The following PNPLA2 variants were observed in gnomAD, a reference collection of about 807,000 sequenced individuals.
PNPLA2 encodes the protein patatin like domain 2, triacylglycerol lipase, also known as patatin-like phospholipase domain-containing protein 2.
In PNPLA2, 28 loss-of-function variants were observed where a neutral mutation model predicts 39.7. The ratio of observed to expected loss-of-function variants is 0.70; its 90% confidence interval spans 0.52 to 0.97. The LOEUF (loss-of-function observed/expected upper bound fraction) is 0.97. PNPLA2 is among the 50% of genes least tolerant of loss of function. The probability of loss-of-function intolerance (pLI) is 0.00; values close to 1 mark genes in which losing one functional copy is unlikely to be tolerated. For missense variants in PNPLA2, 768 were observed against 698.2 expected, an observed-to-expected ratio of 1.10 and a Z score of -1.13; for synonymous variants, 392 against 321.1, an observed-to-expected ratio of 1.22 and a Z score of -2.36.
intron 1 of PNPLA2, 40 bp from the exon 2 acceptor site, chr11:819,534 T>C (rs919038627): frequency 1.5e-5 from 19 of 1,284,964 alleles, no homozygotes; most frequent in Non-Finnish European, 1.9e-5. Flanking sequence ...CCGCCGTGAG[T>C]CCCACACTTA....
intron 5 of PNPLA2, 47 bp from the exon 6 acceptor site, chr11:823,480 C>T (rs995161916): frequency 7.1e-6 from 11 of 1,551,354 alleles, no homozygotes; most frequent in Non-Finnish European, 9.6e-6. Flanking sequence ...AGGGGCAGAA[C>T]GGGCATCCCT....
chr11:821,588 C>T (rs1165066061), intron 2 of PNPLA2, 40 bp from the exon 3 acceptor site: 1 of 1,458,942 alleles, frequency 6.9e-7, no homozygotes, highest in Admixed American at 1.7e-5. Flanking sequence ...TGTTGCTAAG[C>T]CCAGGAGCAT....
At position 824,662 on chromosome 11, in the gene PNPLA2, T is replaced by C; in HGVS notation, c.1315T>C (p.Cys439Arg). 6.3e-7 allele frequency: 1 copy of C among 1,596,744 alleles called. No homozygotes were observed. Among genetic ancestry groups the C allele is most frequent in the East Asian group, 2.2e-5 (1 of 44,562 alleles). The stretch of plus-strand genomic sequence containing the variant: ...GGACGCGCTGGCCAAGTGGGAGGAG[T>C]GCCAGCGCCAGCTGCTGCTCGGCCT... ...LGDALAKWEE[C>R]QRQLLLGLFC... Residue 439 changes from cysteine (C) to arginine (R), a missense_variant, in exon 10 of 10, where the codon TGC (cysteine) becomes CGC (arginine). Physicochemically the swap from Cys to Arg is radical, Grantham distance 180. Coordinates refer to ENST00000336615, the MANE Select transcript of PNPLA2 (RefSeq NM_020376.4).
Position 821,998 on chromosome 11 carries a change from T to C in PNPLA2, c.461T>C (p.Leu154Pro). 1 of 1,613,832 alleles carries C rather than the reference T, an allele frequency of 6.2e-7. No individual in the cohort carries two copies. The highest frequency in any genetic ancestry group is 8.5e-7 in the Non-Finnish European group (1 of 1,179,950). ...CSGFIPVYCG[L>P]IPPSLQGVRY... The stretch of plus-strand genomic sequence containing the variant: ...GGTTTCATCCCCGTGTACTGTGGGC[T>C]CATCCCTCCCTCCCTCCAGGGGGTG... The change falls in exon 4 of 10, where the codon CTC (leucine) becomes CCC (proline). Residue 154 changes from leucine to proline, a missense_variant. Coordinates refer to ENST00000336615, the MANE Select transcript of PNPLA2 (RefSeq NM_020376.4).
Position 819,556 on chromosome 11 carries a change from T to TCCGCGCCGCCC in PNPLA2, c.-145-17_-145-7dup. On this transcript the variant is annotated splice_polypyrimidine_tract_variant and intron_variant, in intron 1 of 9. Transcript: ENST00000336615. ...GAGTCCCACACTTAAAAGCGCCGCC[T>TCCGCGCCGCCC]CCGCGCCGCCCGCGTAGCTTCTTCG... 1 of 1,292,416 alleles carries TCCGCGCCGCCC rather than the reference T, an allele frequency of 7.7e-7. No individual in the cohort carries two copies. Among genetic ancestry groups the TCCGCGCCGCCC allele is most frequent in the South Asian group, 2.2e-5 (1 of 46,180 alleles). 80.1% of individuals were successfully genotyped at this position (1,292,416 alleles called of 1,614,324 possible). A position where few individuals can be genotyped will look rare whatever the true frequency, so the allele number is the denominator to read the frequency against.
At chr11:823,186 T>C (rs1023173203) in intron 5 of PNPLA2, among the ~76,000 whole-genome samples, 2 of 152,006 alleles carry the variant, frequency 1.3e-5, no homozygotes, top group African/African-American at 2.4e-5. Context: ...GCCTCCCCAG[T>C]AGCTGGGACT....
At position 824,952 on chromosome 11, in the gene PNPLA2, C is replaced by A; in HGVS notation, c.*90C>A. On this transcript the variant is annotated 3_prime_UTR_variant, in exon 10 of 10. Coordinates refer to ENST00000336615, the MANE Select transcript of PNPLA2 (RefSeq NM_020376.4). ...GGGACTCACAGTTGCCAAGAGGGGT[C>A]TTTGCCGTGGGCCCCCTCGCCAGCC... 8.8e-7 allele frequency: 1 copy of A among 1,138,906 alleles called. No individual in the cohort carries two copies. The highest frequency in any genetic ancestry group is 1.3e-6 in the Non-Finnish European group (1 of 786,806). The allele number at this position is 1,138,906 out of a possible 1,614,324, so 70.6% of individuals were successfully genotyped here. A position where few individuals can be genotyped will look rare whatever the true frequency, so the allele number is the denominator to read the frequency against.
chr11:820,328 G>A (rs1845627352), intron 2 of PNPLA2, among the ~76,000 whole-genome samples: 1 of 152,212 alleles, frequency 6.6e-6, no homozygotes, highest in Non-Finnish European at 1.5e-5. Context: ...CCTGGCATGG[G>A]GGTAGCCTCT....
intron 5 of PNPLA2, among the ~76,000 whole-genome samples, chr11:823,202 T>C (rs1304354933): frequency 1.3e-5 from 2 of 151,842 alleles, no homozygotes; most frequent in Non-Finnish European, 2.9e-5. Flanking sequence ...GGACTACAGG[T>C]GCCCACCACC....
chr11:819,856 C>T lies in PNPLA2; in HGVS notation c.138C>T (p.Ala46=), dbSNP rs751666909. The change falls in exon 2 of 10, where the codon GCC becomes GCT. Residue 46 remains alanine (A), a synonymous_variant. Coordinates refer to ENST00000336615, the MANE Select transcript of PNPLA2 (RefSeq NM_020376.4). ...LVANATHIYG[A]SAGALTATAL... ...CCAACGCCACGCACATCTACGGCGC[C>T]TCGGCCGGGGCGCTCACGGCCACGG... is the stretch of plus-strand genomic sequence containing the variant. 1.2e-5 allele frequency: 18 copies of T among 1,466,696 alleles called. No individual in the cohort carries two copies. In the East Asian group the frequency reaches 2.1e-4, roughly 17 times the overall value. 90.9% of individuals were successfully genotyped at this position (1,466,696 alleles called of 1,614,324 possible). A position where few individuals can be genotyped will look rare whatever the true frequency, so the allele number is the denominator to read the frequency against.
chr11:819,410 G>C, intron 1 of PNPLA2, 164 bp from the exon 2 acceptor site: 1 of 974,420 alleles, frequency 1.0e-6, no homozygotes, highest in Non-Finnish European at 1.2e-6. Context: ...TTCTCCGGGC[G>C]GCAGCGGAGG....
At position 822,021 on chromosome 11, in the gene PNPLA2, G is replaced by T. The variant is rs1349259959; in HGVS notation, c.484G>T (p.Val162Leu). 2 of 1,613,476 alleles carry T rather than the reference G, an allele frequency of 1.2e-6. No individual in the cohort carries two copies. Among genetic ancestry groups the T allele is most frequent in the African/African-American group, 1.3e-5 (1 of 74,896 alleles). ...CGLIPPSLQG[V>L]RYVDGGISDN... is the part of the protein sequence containing the mutation. ...GCTCATCCCTCCCTCCCTCCAGGGG[G>T]TGGTGAGTATTCCTAGCCCTGGACA... The change falls in exon 4 of 10, where the codon GTG (valine) becomes TTG (leucine). Residue 162 changes from valine (V) to leucine (L), a missense_variant and splice_region_variant. Val to Leu is a conservative substitution (Grantham distance 32). Coordinates refer to ENST00000336615, the MANE Select transcript of PNPLA2 (RefSeq NM_020376.4).
In PNPLA2 at chr11:823,857, TGCGCACCTGGGGGAC is replaced by T. The variant is rs1845765751; in HGVS notation, c.919+4_919+18del. The T allele has an allele frequency of 6.3e-7, 1 of 1,581,550 alleles. No individual in the cohort carries two copies. Among genetic ancestry groups the T allele is most frequent in the Non-Finnish European group, 8.6e-7 (1 of 1,165,376 alleles). On this transcript the variant is annotated splice_donor_5th_base_variant and intron_variant, in intron 7 of 9. Coordinates refer to ENST00000336615, the MANE Select transcript of PNPLA2 (RefSeq NM_020376.4). ...ACCTGCCCGCCCGGCTCAATGAGGG[TGCGCACCTGGGGGAC>T]GGGAGGGGAGGAGGGGAGGCAGGAG...
In PNPLA2 at chr11:819,732, A is replaced by C; in HGVS notation, c.14A>C (p.Glu5Ala). ...GCCGCCGCCGCGATGTTTCCCCGCG[A>C]GAAGACGTGGAACATCTCGTTCGCG... MFPR[E>A]KTWNISFAGC... The change falls in exon 2 of 10, where the codon GAG becomes GCG. Residue 5 changes from glutamate to alanine, a missense_variant. Glu to Ala is a moderately radical substitution (Grantham distance 107, BLOSUM62 -1). Coordinates refer to ENST00000336615, the MANE Select transcript of PNPLA2 (RefSeq NM_020376.4). 6.7e-7 allele frequency: 1 copy of C among 1,494,804 alleles called. No individual in the cohort carries two copies. The highest frequency in any genetic ancestry group is 8.9e-7 in the Non-Finnish European group (1 of 1,122,024). The allele number at this position is 1,494,804 out of a possible 1,614,324, so 92.6% of individuals were successfully genotyped here.
In PNPLA2 at chr11:824,760, C is replaced by A. The variant is rs540018341; in HGVS notation, c.1413C>A (p.Pro471=). ...CACCCGCCGACCCGGCTCCCGCCCC[C>A]GCGGACCCAGCATCCCCGCAGCACC... The part of the protein sequence containing the change: ...MRAPADPAPA[P]ADPASPQHQL... The change falls in exon 10 of 10, where the codon CCC becomes CCA. Residue 471 remains proline, a synonymous_variant. Coordinates refer to ENST00000336615, the MANE Select transcript of PNPLA2 (RefSeq NM_020376.4). 14 of 1,557,934 alleles carry A rather than the reference C, an allele frequency of 9.0e-6. No individual in the cohort carries two copies. In the Admixed American group the frequency reaches 2.4e-4, roughly 27 times the overall value.
rs1249658437 is a variant in PNPLA2 at position 821,877 on chromosome 11, C to T, written c.420+17C>T. ...CTCATCCAGGTGGGGCCTGGTGGAG[C>T]CATGCTGGGTGGCGGTGGGGGGGGC... On this transcript the variant is annotated intron_variant, in intron 3 of 9. Coordinates refer to ENST00000336615, the MANE Select transcript of PNPLA2 (RefSeq NM_020376.4). 1 of 1,611,704 alleles carries T rather than the reference C, an allele frequency of 6.2e-7. No individual in the cohort carries two copies. Among genetic ancestry groups the T allele is most frequent in the Non-Finnish European group, 8.5e-7 (1 of 1,178,094 alleles).
At position 823,403 on chromosome 11, in the gene PNPLA2, G is replaced by C. The variant is rs1036628197; in HGVS notation, c.697-124G>C. ...AGCTTTGATCTTGTTCTGGATCTAG[G>C]ATAGGTTTTGGGGTTGGGAGCTGCG... On this transcript the variant is annotated intron_variant, in intron 5 of 9. Transcript: ENST00000336615. The C allele has an allele frequency of 2.5e-5, 21 of 848,820 alleles. No homozygotes were observed. The East Asian group carries it at 2.9e-4, about 12-fold the overall frequency. 52.6% of individuals were successfully genotyped at this position (848,820 alleles called of 1,614,324 possible). A position where few individuals can be genotyped will look rare whatever the true frequency, so the allele number is the denominator to read the frequency against.
chr11:821,056 A>G (rs1378181332), intron 2 of PNPLA2: 2 of 178,038 alleles, frequency 1.1e-5, no homozygotes, highest in African/African-American at 2.4e-5. Context: ...GAGGGCTTGG[A>G]CCTCAGCTCC....
rs1565088986 is a variant in PNPLA2 at position 823,817 on chromosome 11, A to G, written c.881A>G (p.Asp294Gly). 1 of 1,600,116 alleles carries G rather than the reference A, an allele frequency of 6.2e-7. No homozygotes were observed. Among genetic ancestry groups the G allele is most frequent in the African/African-American group, 1.3e-5 (1 of 74,680 alleles). Residue 294 changes from aspartate (D) to glycine (G), a missense_variant, in exon 7 of 10, where the codon GAT becomes GGT. Coordinates refer to ENST00000336615, the MANE Select transcript of PNPLA2 (RefSeq NM_020376.4). ...AEDYSQLPGE[D>G]HILEHLPARL... ...GATTACTCGCAGCTGCCCGGAGAAGATCACATCCTGGAGCACCTGCCCGCC... is the reference window on the plus strand; with the variant it reads ...GATTACTCGCAGCTGCCCGGAGAAGGTCACATCCTGGAGCACCTGCCCGCC...
Sources: allele counts gnomAD v4.1 joint callset (sites outside exome capture counted in the v4.1 genomes callset), GRCh38; gene constraint gnomAD v4.1.1; transcripts MANE v1.5; gene names NCBI Gene and HGNC (gene_info 2026-07-23, HGNC 2026-07-21).